The following GRB10 variants were observed in gnomAD, a reference collection of about 807,000 sequenced individuals.
The protein encoded by GRB10 is growth factor receptor bound protein 10.
GRB10 carries 20 observed loss-of-function variants against 80.9 expected under a neutral mutation model. The observed-to-expected ratio is 0.25, with a 90% CI of 0.17 to 0.36. The LOEUF is 0.36. Among genes scored for constraint, GRB10 ranks in the 10% least tolerant of loss-of-function variants. GRB10 has a pLI of 1.00. For missense variants in GRB10, 548 were observed against 747.7 expected, an observed-to-expected ratio of 0.73 and a Z score of 3.12; for synonymous variants, 291 against 291.5, an observed-to-expected ratio of 1.00 and a Z score of 0.02.
At chr7:50,702,297 G>T (rs1459798571) in intron 5 of GRB10, among the ~76,000 whole-genome samples, 1 of 152,234 alleles carries the variant, frequency 6.6e-6, no homozygotes, top group East Asian at 1.9e-4. Context: ...GGATACGGTG[G>T]GCCTGGCTCT....
chr7:50,783,332 T>A (rs1244800593), upstream of GRB10, among the ~76,000 whole-genome samples: 1 of 151,738 alleles, frequency 6.6e-6, no homozygotes, highest in Non-Finnish European at 1.5e-5. Flanking sequence ...CAAAGTAGGG[T>A]CCCATTTAAA....
intron 4 of GRB10, among the ~76,000 whole-genome samples, chr7:50,724,660 G>A (rs747820844): frequency 3.3e-5 from 5 of 152,156 alleles, no homozygotes; most frequent in Non-Finnish European, 7.3e-5. Context: ...CAAGACAGGA[G>A]AAAGGAAACA....
At chr7:50,598,106 C>T (rs11983956) in intron 17 of GRB10, among the ~76,000 whole-genome samples, 39 of 152,108 alleles carry the variant, frequency 2.6e-4, no homozygotes, top group East Asian at 1.2e-3. Flanking sequence ...TCAGGTGACC[C>T]GCCCACCTCG....
rs550657655 is a variant in GRB10 at position 50,593,246 on chromosome 7, G to T, written c.1639-148C>A. On this transcript the variant is annotated intron_variant, in intron 18 of 18. Coordinates refer to ENST00000401949, the MANE Select transcript of GRB10 (RefSeq NM_001350814.2). ...GGTAGGCTAGAAAACACCAGGGGCG[G>T]GAAAGACGGGAGCAGAGGATGTGTG... 6 of 865,166 alleles carry T rather than the reference G, an allele frequency of 6.9e-6. No individual in the cohort carries two copies. The East Asian group carries it at 1.3e-4, about 18-fold the overall frequency. The allele number at this position is 865,166 out of a possible 1,614,324, so 53.6% of individuals were successfully genotyped here. A position where few individuals can be genotyped will look rare whatever the true frequency, so the allele number is the denominator to read the frequency against.
intron 1 of GRB10, among the ~76,000 whole-genome samples, chr7:50,781,996 T>C (rs2153713910): frequency 6.6e-6 from 1 of 152,242 alleles, no homozygotes; most frequent in Non-Finnish European, 1.5e-5. Context: ...TAGCATTATG[T>C]TTTTCACAGA....
In GRB10 at chr7:50,674,581, G is replaced by A. The variant is rs1471009975; in HGVS notation, c.217C>T (p.Gln73Ter). 1 of 1,613,348 alleles carries A rather than the reference G, an allele frequency of 6.2e-7. No homozygotes were observed. Among genetic ancestry groups the A allele is most frequent in the South Asian group, 1.1e-5 (1 of 91,088 alleles). The change falls in exon 6 of 19, where the codon CAG (glutamine) becomes TAG (stop). Residue 73 changes from glutamine to a stop codon, truncating the protein, a stop_gained. Transcript: ENST00000401949. LOFTEE classifies it high-confidence loss of function. ...TGCAGGAGGGGCACCGTGTCTGACT[G>A]CATGCTGCAGGCCGAGTACAGGCTC... Reference protein sequence around the residue: ...LESLYSACSMQSDTVPLLQNG... With the variant: ...LESLYSACSM
chr7:50,606,518 A>C, intron 13 of GRB10, 104 bp from the exon 14 acceptor site: 1 of 818,988 alleles, frequency 1.2e-6, no homozygotes, highest in Non-Finnish European at 2.1e-6. Context: ...CGGAACAGGG[A>C]GTGATGCCCT....
chr7:50,672,647 C>T (rs1247479507), intron 6 of GRB10, among the ~76,000 whole-genome samples: 1 of 152,198 alleles, frequency 6.6e-6, no homozygotes, highest in Non-Finnish European at 1.5e-5. Flanking sequence ...TCCCGGGGCA[C>T]ATATGGGCGA....
At chr7:50,634,502 G>C (rs1475705822) in intron 7 of GRB10, among the ~76,000 whole-genome samples, 2 of 152,072 alleles carry the variant, frequency 1.3e-5, no homozygotes, top group East Asian at 3.9e-4. Flanking sequence ...AAATAAACCA[G>C]CTAACAACAC....
intron 5 of GRB10, among the ~76,000 whole-genome samples, chr7:50,699,007 A>G (rs1273094403): frequency 6.6e-6 from 1 of 152,210 alleles, no homozygotes; most frequent in African/African-American, 2.4e-5. Context: ...CTTCCTGAAT[A>G]TACTCCTAGA....
At chr7:50,599,728 G>A (rs573531228) in intron 17 of GRB10, among the ~76,000 whole-genome samples, 27 of 152,302 alleles carry the variant, frequency 1.8e-4, no homozygotes, top group East Asian at 9.6e-4. Context: ...CTGGAAAGAC[G>A]GATGCCTCAC....
chr7:50,714,576 T>C (rs558626586), intron 4 of GRB10, among the ~76,000 whole-genome samples: 1 of 151,634 alleles, frequency 6.6e-6, no homozygotes, highest in African/African-American at 2.4e-5. Flanking sequence ...GGCAGGGGAA[T>C]GGCGTGAACC....
At chr7:50,786,882 C>T (rs1440472068), upstream of GRB10, among the ~76,000 whole-genome samples, 1 of 152,212 alleles carries the variant, frequency 6.6e-6, no homozygotes, top group East Asian at 1.9e-4. Flanking sequence ...AGCAACCCAG[C>T]CTGCTGAAAG....
At chr7:50,773,032 A>C (rs1411650398) in intron 2 of GRB10, among the ~76,000 whole-genome samples, 6 of 152,204 alleles carry the variant, frequency 3.9e-5, no homozygotes, top group African/African-American at 1.4e-4. Context: ...TAATGGACTC[A>C]TATTTCCACG....
At chr7:50,636,925 G>C (rs1287611109) in intron 7 of GRB10, among the ~76,000 whole-genome samples, 2 of 152,164 alleles carry the variant, frequency 1.3e-5, no homozygotes, top group African/African-American at 4.8e-5. Flanking sequence ...CCACATTGAA[G>C]AAGAGAAAGT....
intron 6 of GRB10, among the ~76,000 whole-genome samples, chr7:50,670,330 T>C (rs115095624): frequency 0.011 from 1,725 of 152,230 alleles, 31 homozygotes; most frequent in African/African-American, 0.039. Context: ...TTTCATAAGA[T>C]GAGAAAGTTC....
chr7:50,661,447 T>A (rs1272895844), intron 7 of GRB10, among the ~76,000 whole-genome samples: 1 of 152,228 alleles, frequency 6.6e-6, no homozygotes, highest in East Asian at 1.9e-4. Flanking sequence ...AAAAACTCAT[T>A]ATGTAGCTGC....
At chr7:50,642,786 C>T (rs2056503478) in intron 7 of GRB10, among the ~76,000 whole-genome samples, 1 of 152,208 alleles carries the variant, frequency 6.6e-6, no homozygotes, top group Non-Finnish European at 1.5e-5. Flanking sequence ...CACATACATA[C>T]ATTAGTTTTC....
chr7:50,674,585 G>A lies in GRB10; in HGVS notation c.213C>T (p.Ser71=), dbSNP rs576604331. 6.2e-7 allele frequency: 1 copy of A among 1,613,478 alleles called. No individual in the cohort carries two copies. Among genetic ancestry groups the A allele is most frequent in the Non-Finnish European group, 8.5e-7 (1 of 1,180,040 alleles). The change falls in exon 6 of 19, where the codon AGC becomes AGT. Residue 71 remains serine, a synonymous_variant. Coordinates refer to ENST00000401949, the MANE Select transcript of GRB10 (RefSeq NM_001350814.2). ...GGAGGGGCACCGTGTCTGACTGCAT[G>A]CTGCAGGCCGAGTACAGGCTCTCCA... ...ASLESLYSAC[S]MQSDTVPLLQ...
Sources: gnomAD v4.1 joint callset for allele counts (sites outside exome capture counted in the v4.1 genomes callset) on GRCh38, gnomAD v4.1.1 for gene constraint, MANE v1.5 for transcripts, NCBI Gene and HGNC (gene_info 2026-07-23, HGNC 2026-07-21) for gene names.